Variants in TSPAN9 observed in about 807,000 individuals in gnomAD.
TSPAN9 encodes the protein tetraspanin 9.
TSPAN9 carries 16 observed loss-of-function variants against 31.0 expected under a neutral mutation model. The observed-to-expected ratio is 0.52, with a 90% CI of 0.35 to 0.78. TSPAN9 has a LOEUF of 0.78. TSPAN9 is among the 30% of genes least tolerant of loss of function. The pLI, the probability that TSPAN9 is intolerant of heterozygous loss-of-function variation, is 0.01. For synonymous variants in TSPAN9, 145 were observed against 121.6 expected (o/e 1.19, Z -1.27); for missense variants, 272 against 312.5 (o/e 0.87, Z 0.98).
chr12:3,176,432 G>A (rs978044624), intron 2 of TSPAN9, among the ~76,000 whole-genome samples: 1 of 152,336 alleles, frequency 6.6e-6, no homozygotes, highest in Admixed American at 6.5e-5. Context: ...CATATACCAG[G>A]CACCTCATGG....
At chr12:3,148,149 C>G (rs569587245) in intron 2 of TSPAN9, among the ~76,000 whole-genome samples, 2 of 152,244 alleles carry the variant, frequency 1.3e-5, no homozygotes, top group East Asian at 3.9e-4. Flanking sequence ...TGTATGGATT[C>G]TATAGGGGCT....
At chr12:3,256,295 G>T (rs569272873) in intron 3 of TSPAN9, among the ~76,000 whole-genome samples, 2 of 152,216 alleles carry the variant, frequency 1.3e-5, no homozygotes, top group African/African-American at 4.8e-5. Context: ...TGGAAAGGCC[G>T]GGCCCCGCTG....
chr12:3,268,837 C>A (rs1341104249), intron 3 of TSPAN9, among the ~76,000 whole-genome samples: 6 of 112,004 alleles, frequency 5.4e-5, no homozygotes, highest in African/African-American at 1.6e-4. Flanking sequence ...TGCATTCCTG[C>A]AGCCTGCCCT....
chr12:3,136,114 G>T (rs58152867), intron 2 of TSPAN9, among the ~76,000 whole-genome samples: 2,428 of 152,280 alleles, frequency 0.016, 60 homozygotes, highest in African/African-American at 0.055. Context: ...GGACAACAGC[G>T]TAAGAGCAAG....
At chr12:3,150,740 A>C (rs2098339334) in intron 2 of TSPAN9, among the ~76,000 whole-genome samples, 1 of 152,122 alleles carries the variant, frequency 6.6e-6, no homozygotes, top group African/African-American at 2.4e-5. Flanking sequence ...CAGGGTGCTG[A>C]GTTCCAGGCC....
rs537919603 is a variant in TSPAN9 at position 3,177,195 on chromosome 12, T to TCTCGCCTGTTGCCCAGGCC, written c.-17-23982_-17-23981insCTCGCCTGTTGCCCAGGCC. Reference sequence around the variant, plus strand: ...CTCTGTTGCCCAGGCCGGACTGCAGTGGTGCGATCTCGGCTCACTGCCAGC... The same window carrying TCTCGCCTGTTGCCCAGGCC: ...CTCTGTTGCCCAGGCCGGACTGCAGTCTCGCCTGTTGCCCAGGCCGGTGCGATCTCGGCTCACTGCCAGC... On this transcript the variant is annotated intron_variant, in intron 2 of 8. Transcript: ENST00000011898. Among the ~76,000 whole-genome samples, 227 of 152,284 alleles carry TCTCGCCTGTTGCCCAGGCC rather than the reference T, an allele frequency of 1.5e-3. 9 individuals carry two copies. In the South Asian group the frequency reaches 0.044, roughly 30 times the overall value.
Position 3,170,408 on chromosome 12 carries a change from A to G in TSPAN9, c.-17-30769A>G, listed in dbSNP as rs113722947. Among the ~76,000 whole-genome samples, 564 of 152,374 alleles carry G rather than the reference A, an allele frequency of 3.7e-3. 5 individuals are homozygous for G. Among genetic ancestry groups the G allele is most frequent in the African/African-American group, 0.013 (546 of 41,592 alleles). ...CAGATAGCATGTAGCATAGGATTCC[A>G]CATGTAATATACATCTGTGGGAAGA... On this transcript the variant is annotated intron_variant, in intron 2 of 8. Coordinates refer to ENST00000011898, the MANE Select transcript of TSPAN9 (RefSeq NM_006675.5). This position sits in a 1 kb window ranked among gnomAD's most constrained non-coding sequence, Gnocchi z 4.4.
chr12:3,089,028 C>G (rs974530564), intron 2 of TSPAN9, among the ~76,000 whole-genome samples: 1 of 151,742 alleles, frequency 6.6e-6, no homozygotes, highest in Non-Finnish European at 1.5e-5. Context: ...GTCAGGAGAT[C>G]GAGATCATCC....
chr12:3,157,065 G>A (rs1237737390), intron 2 of TSPAN9, among the ~76,000 whole-genome samples: 1 of 151,662 alleles, frequency 6.6e-6, no homozygotes, highest in East Asian at 1.9e-4. Flanking sequence ...GGCAGAGCAG[G>A]TTTTATTATT....
chr12:3,177,084 G>A (rs1291691630), intron 2 of TSPAN9, among the ~76,000 whole-genome samples: 1 of 152,176 alleles, frequency 6.6e-6, no homozygotes, highest in Non-Finnish European at 1.5e-5. Flanking sequence ...TGCCAGCATT[G>A]AGTAGCCTTG....
chr12:3,176,435 C>T (rs2098355635), intron 2 of TSPAN9, among the ~76,000 whole-genome samples: 1 of 152,208 alleles, frequency 6.6e-6, no homozygotes, highest in African/African-American at 2.4e-5. Context: ...ATACCAGGCA[C>T]CTCATGGCTG....
rs368925160 is a variant in TSPAN9, at chr12:3,192,780, G to C, written c.-17-8397G>C. 1.3e-5 allele frequency among the ~76,000 whole-genome samples: 2 copies of C among 152,146 alleles called. No homozygotes were observed. The highest frequency in any genetic ancestry group is 3.9e-4 in the East Asian group (2 of 5,182). ...TGGGCAGAAGAGAAGAGGGCTCAGA[G>C]CTGAGGGCCTCCCTGAGGAGGAGGA... On this transcript the variant is annotated intron_variant, in intron 2 of 8. Transcript: ENST00000011898. This position sits in a 1 kb window ranked among gnomAD's most constrained non-coding sequence, Gnocchi z 4.6.
rs151163272 is a variant in TSPAN9, at chr12:3,083,224, C to T, written c.-84-429C>T. Among the ~76,000 whole-genome samples the T allele has an allele frequency of 9.1e-4, 138 of 152,298 alleles. 1 individual carries two copies. Among genetic ancestry groups the T allele is most frequent in the Middle Eastern group, 3.4e-3 (1 of 294 alleles). On this transcript the variant is annotated intron_variant, in intron 1 of 8. Transcript: ENST00000011898. ...TCCTTTATATTGACCTCATAGCGTA[C>T]GCGATGCAAACACATCTCAGTGAGT...
chr12:3,180,989 G>A (rs1269867917), intron 2 of TSPAN9, among the ~76,000 whole-genome samples: 1 of 151,816 alleles, frequency 6.6e-6, no homozygotes, highest in East Asian at 1.9e-4. Context: ...TGCATTTTAG[G>A]GAGGGCACTG....
intron 2 of TSPAN9, among the ~76,000 whole-genome samples, chr12:3,108,689 C>A (rs1341718901): frequency 1.3e-5 from 2 of 152,332 alleles, no homozygotes; most frequent in African/African-American, 4.8e-5. Context: ...GATATTAAAT[C>A]TCCTGGATTG....
At position 3,147,291 on chromosome 12, in the gene TSPAN9, G is replaced by A. The variant is rs751388646; in HGVS notation, c.-17-53886G>A. On this transcript the variant is annotated intron_variant, in intron 2 of 8. Coordinates refer to ENST00000011898, the MANE Select transcript of TSPAN9 (RefSeq NM_006675.5). This position sits in a 1 kb window ranked among gnomAD's most constrained non-coding sequence, Gnocchi z 4.3. Reference sequence around the variant, plus strand: ...TGCCCTGGGATGAGGAGCCCGCCAGGGGCTGGAGAGAATGACAGGCGTCCC... The same window carrying A: ...TGCCCTGGGATGAGGAGCCCGCCAGAGGCTGGAGAGAATGACAGGCGTCCC... Among the ~76,000 whole-genome samples, 3 of 152,118 alleles carry A rather than the reference G, an allele frequency of 2.0e-5. No homozygotes were observed. Among genetic ancestry groups the A allele is most frequent in the Non-Finnish European group, 2.9e-5 (2 of 68,024 alleles).
intron 3 of TSPAN9, among the ~76,000 whole-genome samples, chr12:3,233,867 AGAGGTGT>A (rs1386633909): frequency 5.9e-5 from 9 of 152,344 alleles, no homozygotes; most frequent in African/African-American, 1.9e-4. Context: ...TGTGGGCTAT[AGAGGTGT>A]GTCTGTCCTA....
At chr12:3,247,480 A>G (rs888948425) in intron 3 of TSPAN9, among the ~76,000 whole-genome samples, 2 of 152,158 alleles carry the variant, frequency 1.3e-5, no homozygotes, top group African/African-American at 4.8e-5. Flanking sequence ...GCGTCAGTTC[A>G]GAAAGACTTG....
At chr12:3,266,152 A>G (rs1455427197) in intron 3 of TSPAN9, among the ~76,000 whole-genome samples, 1 of 152,018 alleles carries the variant, frequency 6.6e-6, no homozygotes, top group Non-Finnish European at 1.5e-5. Flanking sequence ...CCTTTCTCAG[A>G]GTAGGGACGT....
Sources: gnomAD v4.1 joint callset for allele counts (sites outside exome capture counted in the v4.1 genomes callset) on GRCh38, gnomAD v4.1.1 for gene constraint, Gnocchi (gnomAD v3.1) non-coding constraint, MANE v1.5 for transcripts, NCBI Gene and HGNC (gene_info 2026-07-23, HGNC 2026-07-21) for gene names.